The following SELENOT variants were observed in gnomAD, a reference collection of about 807,000 sequenced individuals.
The protein encoded by SELENOT is selenoprotein T.
SELENOT carries 9 observed loss-of-function variants against 24.3 expected under a neutral mutation model. That is an observed-to-expected ratio of 0.37 (90% CI 0.22 to 0.65). The LOEUF is 0.65. Among genes scored for constraint, SELENOT ranks in the 30% least tolerant of loss-of-function variants. The probability of loss-of-function intolerance (pLI) is 0.60; values close to 1 mark genes in which losing one functional copy is unlikely to be tolerated. For synonymous variants in SELENOT, 81 were observed against 86.0 expected (o/e 0.94, Z 0.32); for missense variants, 166 against 247.6 (o/e 0.67, Z 2.21).
In SELENOT at chr3:150,630,132, C is replaced by G. The variant is rs561022574; in HGVS notation, c.*2503C>G. The G allele has an allele frequency of 1.3e-5, 2 of 152,252 alleles. No homozygotes were observed. Among genetic ancestry groups the G allele is most frequent in the African/African-American group, 2.4e-5 (1 of 41,536 alleles). The allele number at this position is 152,252 out of a possible 1,614,324, so 9.4% of individuals were successfully genotyped here. A position where few individuals can be genotyped will look rare whatever the true frequency, so the allele number is the denominator to read the frequency against. ...TAAGTGATATTATTTGCTTATGACA[C>G]TAACACTATTAATGACAGGAGTCAA... On this transcript the variant is annotated 3_prime_UTR_variant, in exon 6 of 6. Coordinates refer to ENST00000471696, the MANE Select transcript of SELENOT (RefSeq NM_016275.5).
At chr3:150,617,663 C>A (rs1726246306) in intron 1 of SELENOT, among the ~76,000 whole-genome samples, 2 of 152,214 alleles carry the variant, frequency 1.3e-5, no homozygotes, top group South Asian at 4.1e-4. Context: ...CACTGGTAGA[C>A]ACTGTAATGC....
Position 150,628,392 on chromosome 3 carries a change from T to G in SELENOT, c.*763T>G, listed in dbSNP as rs578233487. 9.2e-4 allele frequency: 140 copies of G among 152,780 alleles called. No homozygotes were observed. The highest frequency in any genetic ancestry group is 3.2e-3 in the African/African-American group (131 of 41,586). 9.5% of individuals were successfully genotyped at this position (152,780 alleles called of 1,614,324 possible). A position where few individuals can be genotyped will look rare whatever the true frequency, so the allele number is the denominator to read the frequency against. On this transcript the variant is annotated 3_prime_UTR_variant, in exon 6 of 6. Transcript: ENST00000471696. ...CAGATATGAGTTAAATTTAAAAGTT[T>G]CAATTTATTGCTCAGTGTACCTGTT...
intron 1 of SELENOT, among the ~76,000 whole-genome samples, chr3:150,609,996 T>C (rs924219270): frequency 6.6e-6 from 1 of 152,228 alleles, no homozygotes; most frequent in Non-Finnish European, 1.5e-5. Flanking sequence ...CAAAATTACA[T>C]TACATTAGAG....
chr3:150,604,028 G>T (rs1022339515), intron 1 of SELENOT, among the ~76,000 whole-genome samples: 21 of 152,228 alleles, frequency 1.4e-4, no homozygotes, highest in Non-Finnish European at 2.9e-4. Context: ...CTTGCTGGGG[G>T]GACTGTTGAG....
chr3:150,626,925 CATAG>C (rs1178927977), intron 4 of SELENOT, 81 bp from the exon 5 acceptor site: 3 of 1,388,944 alleles, frequency 2.2e-6, no homozygotes, highest in African/African-American at 2.9e-5. Context: ...CAGTTGTGTA[CATAG>C]ATGATAAATA....
chr3:150,618,988 G>T (rs969411720), intron 1 of SELENOT: 1 of 152,040 alleles, frequency 6.6e-6, no homozygotes, highest in African/African-American at 2.4e-5. Context: ...TCAAGCAATT[G>T]CAACAGTTGA....
intron 1 of SELENOT, among the ~76,000 whole-genome samples, chr3:150,606,586 A>T (rs1489937403): frequency 1.3e-5 from 2 of 152,166 alleles, no homozygotes; most frequent in Non-Finnish European, 2.9e-5. Context: ...AAGTTCTCTA[A>T]TCAGAGCTTA....
At chr3:150,627,275 A>T in intron 5 of SELENOT, 112 bp downstream of exon 5, 1 of 817,266 alleles carries the variant, frequency 1.2e-6, no homozygotes, top group Non-Finnish European at 1.9e-6. Context: ...AAGATTAAAC[A>T]GAGGGATGTA....
chr3:150,620,126 T>A (rs1354493760), intron 1 of SELENOT, among the ~76,000 whole-genome samples: 1 of 152,192 alleles, frequency 6.6e-6, no homozygotes, highest in Non-Finnish European at 1.5e-5. Flanking sequence ...TCTAAACACA[T>A]TAGCCAGAAA....
intron 1 of SELENOT, among the ~76,000 whole-genome samples, chr3:150,606,844 T>C (rs1314833422): frequency 6.6e-6 from 1 of 152,210 alleles, no homozygotes; most frequent in Admixed American, 6.5e-5. Context: ...CCTACCCACC[T>C]TGGCGTCCCA....
intron 1 of SELENOT, among the ~76,000 whole-genome samples, chr3:150,617,853 G>GGTTTGGTTTT (rs1164457533): frequency 6.6e-6 from 1 of 151,952 alleles, no homozygotes; most frequent in Non-Finnish European, 1.5e-5. Flanking sequence ...GGTTTGGTTT[G>GGTTTGGTTTT]GTTTGGTTTT....
chr3:150,627,310 A>G (rs1279431146), intron 5 of SELENOT, 147 bp downstream of exon 5: 5 of 666,578 alleles, frequency 7.5e-6, no homozygotes, highest in Middle Eastern at 3.9e-4. Context: ...GTTGAAGTGT[A>G]TGAAGAGAGT....
intron 1 of SELENOT, chr3:150,611,859 C>T: frequency 7.2e-6 from 7 of 968,242 alleles, no homozygotes; most frequent in Non-Finnish European, 1.1e-5. Flanking sequence ...CCCCACTGCC[C>T]AGGCGTGAAG....
intron 1 of SELENOT, chr3:150,611,359 G>A: frequency 1.7e-6 from 2 of 1,183,776 alleles, no homozygotes; most frequent in South Asian, 2.5e-5. Flanking sequence ...CACTGGAATA[G>A]ACCTAAAGTG....
intron 1 of SELENOT, among the ~76,000 whole-genome samples, chr3:150,617,744 A>G (rs72616685): frequency 0.21 from 32,603 of 151,810 alleles, 3,834 homozygotes; most frequent in East Asian, 0.47. Context: ...CTGATAAGCT[A>G]CTACTTGTGT....
chr3:150,625,648 A>C (rs1163905109), intron 4 of SELENOT, among the ~76,000 whole-genome samples: 2 of 152,174 alleles, frequency 1.3e-5, no homozygotes, highest in Non-Finnish European at 2.9e-5. Context: ...TAAAAAAAAA[A>C]CTAATGTTTT....
At chr3:150,616,056 A>G (rs1726205385) in intron 1 of SELENOT, among the ~76,000 whole-genome samples, 1 of 151,824 alleles carries the variant, frequency 6.6e-6, no homozygotes, top group Non-Finnish European at 1.5e-5. Context: ...CATATCTACA[A>G]CTATCTGATC....
intron 4 of SELENOT, among the ~76,000 whole-genome samples, chr3:150,625,936 C>G (rs1401258334): frequency 3.3e-5 from 5 of 149,750 alleles, no homozygotes; most frequent in African/African-American, 9.9e-5. Flanking sequence ...GTGGCGCGAT[C>G]TCGATTCACT....
rs1203772735 is a variant in SELENOT at position 150,629,994 on chromosome 3, C to T, written c.*2365C>T. ...CTATGGGGGTTTTTACCACAGTTGC[C>T]ATTGTGGAAGAAATTATTTGGTACA... On this transcript the variant is annotated 3_prime_UTR_variant, in exon 6 of 6. Coordinates refer to ENST00000471696, the MANE Select transcript of SELENOT (RefSeq NM_016275.5). 1 of 152,532 alleles carries T rather than the reference C, an allele frequency of 6.6e-6. No individual in the cohort carries two copies. Among genetic ancestry groups the T allele is most frequent in the Non-Finnish European group, 1.5e-5 (1 of 68,026 alleles). The allele number at this position is 152,532 out of a possible 1,614,324, so 9.4% of individuals were successfully genotyped here. A position where few individuals can be genotyped will look rare whatever the true frequency, so the allele number is the denominator to read the frequency against.
Sources: allele counts gnomAD v4.1 joint callset (sites outside exome capture counted in the v4.1 genomes callset), GRCh38; gene constraint gnomAD v4.1.1; transcripts MANE v1.5; gene names NCBI Gene and HGNC (gene_info 2026-07-23, HGNC 2026-07-21).